The following LDB2 variants were observed in gnomAD, a reference collection of about 807,000 sequenced individuals.
The protein encoded by LDB2 is LIM domain-binding protein 2.
LDB2 carries 12 observed loss-of-function variants against 44.3 expected under a neutral mutation model. The ratio of observed to expected loss-of-function variants is 0.27; its 90% CI spans 0.17 to 0.44. The LOEUF is 0.44. Ranked by LOEUF, LDB2 falls within the 20% of genes least tolerant of loss-of-function variation. The probability of loss-of-function intolerance (pLI) is 1.00; values close to 1 mark genes in which losing one functional copy is unlikely to be tolerated. For synonymous variants in LDB2, 164 were observed against 174.8 expected (o/e 0.94, Z 0.49); for missense variants, 344 against 473.5 (o/e 0.73, Z 2.54).
chr4:16,672,164 C>T (rs541297106), intron 2 of LDB2, among the ~76,000 whole-genome samples: 1 of 152,266 alleles, frequency 6.6e-6, no homozygotes, highest in African/African-American at 2.4e-5. Flanking sequence ...TGACTGTCAT[C>T]CCCATTTTCA....
intron 1 of LDB2, among the ~76,000 whole-genome samples, chr4:16,874,701 T>A (rs534453538): frequency 8.5e-5 from 13 of 152,208 alleles, no homozygotes; most frequent in Non-Finnish European, 1.5e-4. Flanking sequence ...CTAAAAGTAT[T>A]ATTTTGAAGA....
chr4:16,661,100 C>A (rs575103477), intron 2 of LDB2, among the ~76,000 whole-genome samples: 8 of 152,174 alleles, frequency 5.3e-5, no homozygotes, highest in African/African-American at 1.9e-4. Context: ...TACTTTCCCC[C>A]ACCTCCCTAC....
intron 1 of LDB2, among the ~76,000 whole-genome samples, chr4:16,808,174 C>T (rs190324217): frequency 5.3e-5 from 8 of 152,262 alleles, no homozygotes; most frequent in East Asian, 1.9e-4. Flanking sequence ...TCTTCCGATA[C>T]GCCCCTCTGG....
intron 2 of LDB2, among the ~76,000 whole-genome samples, chr4:16,736,224 C>T (rs1430501343): frequency 6.6e-6 from 1 of 152,210 alleles, no homozygotes; most frequent in South Asian, 2.1e-4. Context: ...CTTCAACTCA[C>T]CTGCTACATT....
chr4:16,550,529 GTACGT>G (rs1218233174), intron 5 of LDB2, among the ~76,000 whole-genome samples: 1 of 152,112 alleles, frequency 6.6e-6, no homozygotes. Context: ...TATTACATTG[GTACGT>G]TACATCAGTA....
chr4:16,810,649 A>G (rs1209382047), intron 1 of LDB2, among the ~76,000 whole-genome samples: 2 of 27,752 alleles, frequency 7.2e-5, no homozygotes, highest in African/African-American at 1.2e-4. Context: ...ATTCATGGTT[A>G]TGGATCTTAT....
intron 2 of LDB2, among the ~76,000 whole-genome samples, chr4:16,668,608 C>A (rs1743940760): frequency 6.6e-6 from 1 of 152,126 alleles, no homozygotes; most frequent in South Asian, 2.1e-4. Flanking sequence ...AGAATAAAAG[C>A]TATATTATCC....
chr4:16,617,332 G>A (rs545863363), intron 2 of LDB2, among the ~76,000 whole-genome samples: 1 of 151,988 alleles, frequency 6.6e-6, no homozygotes, highest in Non-Finnish European at 1.5e-5. Flanking sequence ...GAAGAAATAA[G>A]AACAAAAACA....
intron 1 of LDB2, chr4:16,888,675 T>C (rs1722452628): frequency 1.0e-6 from 1 of 973,716 alleles, no homozygotes; most frequent in Non-Finnish European, 1.2e-6. Flanking sequence ...ATTACTTACA[T>C]TATTTAATTT....
intron 2 of LDB2, among the ~76,000 whole-genome samples, chr4:16,682,265 A>G (rs1317302027): frequency 1.3e-5 from 2 of 150,724 alleles, no homozygotes; most frequent in Non-Finnish European, 1.5e-5. Flanking sequence ...AAAAATCCCA[A>G]TTTAGATTCT....
At position 16,769,980 on chromosome 4, in the gene LDB2, G is replaced by C. The variant is rs186751308; in HGVS notation, c.133-10720C>G. 1.9e-3 allele frequency among the ~76,000 whole-genome samples: 294 copies of C among 152,250 alleles called. 2 individuals carry two copies. Among genetic ancestry groups the C allele is most frequent in the East Asian group, 2.3e-3 (12 of 5,168 alleles). The stretch of plus-strand genomic sequence containing the variant: ...TCAGTGGTTTTCCCCCCAAAGACCT[G>C]AGAAATTCATGTATTTGAATCTCCA... On this transcript the variant is annotated intron_variant, in intron 1 of 7. Coordinates refer to ENST00000304523, the MANE Select transcript of LDB2 (RefSeq NM_001290.5).
rs190427534 is a variant in LDB2, at chr4:16,741,738, A to G, written c.235+17420T>C. Among the ~76,000 whole-genome samples, 119 of 152,330 alleles carry G rather than the reference A, an allele frequency of 7.8e-4. 1 individual carries two copies. The highest frequency in any genetic ancestry group is 2.7e-3 in the African/African-American group (114 of 41,572). On this transcript the variant is annotated intron_variant, in intron 2 of 7. Coordinates refer to ENST00000304523, the MANE Select transcript of LDB2 (RefSeq NM_001290.5). ...CTCTACACACCCCATGCCAACTTTC[A>G]CTGCTGCCCCCTGGAGAGATTGGTT...
At chr4:16,871,763 G>T (rs10006117) in intron 1 of LDB2, among the ~76,000 whole-genome samples, 10,609 of 151,166 alleles carry the variant, frequency 0.07, 1,236 homozygotes, top group African/African-American at 0.25. Flanking sequence ...TGGGATCACA[G>T]GCGCCCACCA....
intron 1 of LDB2, among the ~76,000 whole-genome samples, chr4:16,800,624 C>A (rs999937483): frequency 4.6e-5 from 7 of 152,168 alleles, no homozygotes; most frequent in Non-Finnish European, 1.0e-4. Context: ...GATAGGGAGT[C>A]ATATAAAATG....
At chr4:16,561,719 C>G (rs1466737941) in intron 5 of LDB2, among the ~76,000 whole-genome samples, 1 of 152,186 alleles carries the variant, frequency 6.6e-6, no homozygotes, top group Non-Finnish European at 1.5e-5. Context: ...AAAAAAACTA[C>G]TTTAAAGTTC....
chr4:16,672,635 T>C (rs574652299), intron 2 of LDB2, among the ~76,000 whole-genome samples: 16 of 152,288 alleles, frequency 1.1e-4, no homozygotes, highest in Admixed American at 2.6e-4. Context: ...AGATATATTA[T>C]GGGCAAAAAA....
At chr4:16,844,058 G>A (rs1330236079) in intron 1 of LDB2, among the ~76,000 whole-genome samples, 5 of 145,782 alleles carry the variant, frequency 3.4e-5, no homozygotes, top group Non-Finnish European at 6.0e-5. Context: ...TTTGAGACCA[G>A]TCTGGGCAAC....
chr4:16,802,021 T>C (rs1777921736), intron 1 of LDB2, among the ~76,000 whole-genome samples: 1 of 152,226 alleles, frequency 6.6e-6, no homozygotes, highest in Non-Finnish European at 1.5e-5. Flanking sequence ...CTCTGGAGGC[T>C]GTGGTTTCCA....
chr4:16,511,820 C>T, intron 6 of LDB2, 161 bp downstream of exon 6: 1 of 775,024 alleles, frequency 1.3e-6, no homozygotes, highest in African/African-American at 1.7e-5. Flanking sequence ...TTGCCTGTCA[C>T]AAATTCATTG....
Sources: allele counts gnomAD v4.1 joint callset (sites outside exome capture counted in the v4.1 genomes callset), GRCh38; gene constraint gnomAD v4.1.1; transcripts MANE v1.5; gene names NCBI Gene and HGNC (gene_info 2026-07-23, HGNC 2026-07-21).